CRISPLD1: variants seen among roughly 807,000 people sequenced by gnomAD.
The protein encoded by CRISPLD1 is cysteine rich secretory protein LCCL domain containing 1, also known as cysteine-rich secretory protein LCCL domain-containing 1.
A neutral mutation model predicts 77.5 loss-of-function variants in CRISPLD1; 60 were observed. The ratio of observed to expected loss-of-function variants is 0.77; its 90% confidence interval spans 0.63 to 0.96. The LOEUF (loss-of-function observed/expected upper bound fraction) is 0.96, where lower values mean the gene tolerates loss of function less well. Ranked by LOEUF, CRISPLD1 falls within the 40% of genes least tolerant of loss-of-function variation. The pLI is 0.00. For missense variants in CRISPLD1, 623 were observed against 615.8 expected, an observed-to-expected ratio of 1.01 and a Z score of -0.12; for synonymous variants, 195 against 200.1, an observed-to-expected ratio of 0.97 and a Z score of 0.22.
At chr8:74,987,427 C>T (rs1050123153) in intron 2 of CRISPLD1, among the ~76,000 whole-genome samples, 8 of 152,108 alleles carry the variant, frequency 5.3e-5, no homozygotes, top group Non-Finnish European at 1.0e-4. Flanking sequence ...TATATACTCA[C>T]CTCAAAGGAT....
At chr8:75,011,752 A>C (rs1402794294) in intron 2 of CRISPLD1, among the ~76,000 whole-genome samples, 1 of 152,166 alleles carries the variant, frequency 6.6e-6, no homozygotes, top group Non-Finnish European at 1.5e-5. Flanking sequence ...TGTATTTAAC[A>C]AGCATTTATT....
At chr8:74,997,407 G>A (rs912906291) in intron 2 of CRISPLD1, among the ~76,000 whole-genome samples, 3 of 143,760 alleles carry the variant, frequency 2.1e-5, no homozygotes, top group Non-Finnish European at 4.5e-5. Context: ...TGAAGCATTT[G>A]CTGACACAGG....
intron 3 of CRISPLD1, 77 bp from the exon 4 acceptor site, chr8:75,012,813 C>T (rs1422323239): frequency 1.5e-5 from 22 of 1,483,310 alleles, no homozygotes; most frequent in Non-Finnish European, 2.0e-5. Flanking sequence ...CCAAATTATA[C>T]CAATGTATTT....
intron 2 of CRISPLD1, among the ~76,000 whole-genome samples, chr8:74,989,696 G>T (rs1347952748): frequency 6.6e-6 from 1 of 151,910 alleles, no homozygotes; most frequent in Non-Finnish European, 1.5e-5. Context: ...CATTCTATAG[G>T]TTGTCTGTTT....
rs1468606227 is a variant in CRISPLD1 at position 75,014,058 on chromosome 8, G to C, written c.582G>C (p.Gln194His). 1 of 1,613,224 alleles carries C rather than the reference G, an allele frequency of 6.2e-7. No homozygotes were observed. The highest frequency in any genetic ancestry group is 2.2e-5 in the East Asian group (1 of 44,846). Residue 194 changes from glutamine to histidine, a missense_variant, in exon 5 of 15, where the codon CAG becomes CAC. Coordinates refer to ENST00000262207, the MANE Select transcript of CRISPLD1 (RefSeq NM_031461.6). Reference sequence around the variant, plus strand: ...GTCATAACATGAACATCTGGGGGCAGATATGGCCCAAAGCTGTCTACCTGG... The same window carrying C: ...GTCATAACATGAACATCTGGGGGCACATATGGCCCAAAGCTGTCTACCTGG... ...NLCHNMNIWG[Q>H]IWPKAVYLVC...
chr8:75,009,699 A>G (rs1017673), intron 2 of CRISPLD1, among the ~76,000 whole-genome samples: 8 of 152,038 alleles, frequency 5.3e-5, no homozygotes, highest in South Asian at 2.1e-4. Context: ...AGGACAACCT[A>G]TGTCTTTAGG....
rs765954643 is a variant in CRISPLD1 at position 75,034,109 on chromosome 8, T to C, written c.*1867T>C. On this transcript the variant is annotated 3_prime_UTR_variant, in exon 15 of 15. Coordinates refer to ENST00000262207, the MANE Select transcript of CRISPLD1 (RefSeq NM_031461.6). ...TCCATTCCTTTTTAATACATTCGTA[T>C]TTCCCAGCCCCAGAACCCTTGAAAT... 2.6e-5 allele frequency: 4 copies of C among 152,082 alleles called. No homozygotes were observed. The highest frequency in any genetic ancestry group is 5.9e-5 in the Non-Finnish European group (4 of 67,954). The allele number at this position is 152,082 out of a possible 1,614,324, so 9.4% of individuals were successfully genotyped here.
At chr8:74,993,514 A>G (rs951985067) in intron 2 of CRISPLD1, among the ~76,000 whole-genome samples, 3 of 152,192 alleles carry the variant, frequency 2.0e-5, no homozygotes, top group African/African-American at 7.2e-5. Flanking sequence ...ATCATTTTCT[A>G]CAGAATTTTG....
At chr8:75,028,245 G>A (rs913143002) in intron 13 of CRISPLD1, among the ~76,000 whole-genome samples, 2 of 152,138 alleles carry the variant, frequency 1.3e-5, no homozygotes, top group African/African-American at 4.8e-5. Flanking sequence ...TACAGCAAAA[G>A]CATGGAAAGG....
At chr8:74,995,994 C>T (rs1318551054) in intron 2 of CRISPLD1, among the ~76,000 whole-genome samples, 1 of 150,358 alleles carries the variant, frequency 6.7e-6, no homozygotes, top group Non-Finnish European at 1.5e-5. Flanking sequence ...TTTACTAACT[C>T]GAAGCCAAGT....
chr8:75,001,091 G>T (rs1044875824), intron 2 of CRISPLD1, among the ~76,000 whole-genome samples: 1 of 151,826 alleles, frequency 6.6e-6, no homozygotes. Context: ...ATAAAATTAT[G>T]TAAAACATAA....
chr8:75,029,747 G>A (rs534736287), intron 14 of CRISPLD1, among the ~76,000 whole-genome samples: 5 of 152,160 alleles, frequency 3.3e-5, no homozygotes, highest in African/African-American at 9.6e-5. Flanking sequence ...CATGAAAATC[G>A]GATTACAAGT....
rs1290464025 is a variant in CRISPLD1, at chr8:75,017,096, A to G, written c.979A>G (p.Ser327Gly). 1 of 1,611,706 alleles carries G rather than the reference A, an allele frequency of 6.2e-7. No homozygotes were observed. Among genetic ancestry groups the G allele is most frequent in the Middle Eastern group, 1.7e-4 (1 of 6,040 alleles). Residue 327 changes from serine (S) to glycine (G), a missense_variant, in exon 9 of 15, where the codon AGT (serine) becomes GGT (glycine). By Grantham distance (56) the Ser-to-Gly change is moderately conservative. Coordinates refer to ENST00000262207, the MANE Select transcript of CRISPLD1 (RefSeq NM_031461.6). ...GGATAGTAAAGCTAAAGTTATTGGC[A>G]GTGTACATTATGAAATGGTAAGTGT... ...CLDSKAKVIGSVHYEMQSSIC... is the reference protein window; with the variant it reads ...CLDSKAKVIGGVHYEMQSSIC...
chr8:75,017,923 A>G (rs1813063958), intron 10 of CRISPLD1, among the ~76,000 whole-genome samples: 1 of 152,152 alleles, frequency 6.6e-6, no homozygotes, highest in Non-Finnish European at 1.5e-5. Context: ...TGTCCATTTA[A>G]AAGTATCCCA....
At chr8:75,022,719 A>C (rs1813159921) in intron 12 of CRISPLD1, among the ~76,000 whole-genome samples, 1 of 152,088 alleles carries the variant, frequency 6.6e-6, no homozygotes, top group African/African-American at 2.4e-5. Flanking sequence ...ATTTCATATG[A>C]CTTAAGTAGG....
intron 2 of CRISPLD1, among the ~76,000 whole-genome samples, chr8:74,994,560 A>G (rs1162781555): frequency 6.6e-6 from 1 of 152,208 alleles, no homozygotes; most frequent in East Asian, 1.9e-4. Context: ...TCAAGAGATT[A>G]GAGGAGGTGG....
intron 1 of CRISPLD1, 127 bp from the exon 2 acceptor site, chr8:74,985,799 C>A: frequency 1.5e-6 from 1 of 658,098 alleles, no homozygotes; most frequent in Non-Finnish European, 2.6e-6. Flanking sequence ...TGTGAGTGTC[C>A]ATTTTCTGCT....
At chr8:75,017,553 A>G in intron 10 of CRISPLD1, 103 bp downstream of exon 10, 1 of 1,034,186 alleles carries the variant, frequency 9.7e-7, no homozygotes, top group Non-Finnish European at 1.3e-6. Context: ...AAGAAGAAAG[A>G]ATTTGGTTAT....
At chr8:75,016,328 A>T (rs1813026004) in intron 6 of CRISPLD1, among the ~76,000 whole-genome samples, 1 of 152,188 alleles carries the variant, frequency 6.6e-6, no homozygotes. Flanking sequence ...AAGTGGCTTC[A>T]TTGAATATTA....
Sources: gnomAD v4.1 joint callset for allele counts (sites outside exome capture counted in the v4.1 genomes callset) on GRCh38, gnomAD v4.1.1 for gene constraint, MANE v1.5 for transcripts, NCBI Gene and HGNC (gene_info 2026-07-23, HGNC 2026-07-21) for gene names.